PDE4D: variants seen among roughly 807,000 people sequenced by gnomAD.
The protein encoded by PDE4D is phosphodiesterase 4D, also known as 3',5'-cyclic-AMP phosphodiesterase 4D.
A neutral mutation model predicts 87.4 loss-of-function variants in PDE4D; 24 were observed. The observed-to-expected ratio is 0.27, with a 90% CI of 0.20 to 0.39. The LOEUF (loss-of-function observed/expected upper bound fraction) is 0.39. Ranked by LOEUF, PDE4D falls within the 10% of genes least tolerant of loss-of-function variation. The pLI is 1.00. For missense variants in PDE4D, 714 were observed against 1,041.0 expected (o/e 0.69, Z 4.32); for synonymous variants, 384 against 383.2 (o/e 1.00, Z -0.02).
intron 3 of PDE4D, among the ~76,000 whole-genome samples, chr5:59,946,459 T>A (rs1002916355): frequency 2.0e-5 from 3 of 152,240 alleles, no homozygotes; most frequent in Admixed American, 6.5e-5. Context: ...AAATAAGAGA[T>A]CAGCCAAAGC....
intron 5 of PDE4D, among the ~76,000 whole-genome samples, chr5:59,141,300 G>C (rs79805997): frequency 0.039 from 5,937 of 152,278 alleles, 351 homozygotes; most frequent in African/African-American, 0.12. Context: ...GTTGTACTAA[G>C]AGTTTTCAGG....
chr5:60,335,077 C>A (rs974855068), intron 1 of PDE4D: 2 of 152,186 alleles, frequency 1.3e-5, no homozygotes, highest in African/African-American at 4.8e-5. Context: ...ATAAAAGATG[C>A]CTACCCCAAA....
At chr5:59,497,299 C>CT (rs1272171050) in intron 1 of PDE4D, among the ~76,000 whole-genome samples, 1 of 152,072 alleles carries the variant, frequency 6.6e-6, no homozygotes, top group East Asian at 1.9e-4. Context: ...GTTTTACCAC[C>CT]TCCAGAGAAT....
intron 1 of PDE4D, chr5:59,587,323 CTTTCT>C (rs1401201620): frequency 4.0e-6 from 2 of 502,334 alleles, no homozygotes; most frequent in Admixed American, 6.4e-5. Context: ...CCCCCGATGT[CTTTCT>C]TTTCTTTTTT....
intron 1 of PDE4D, among the ~76,000 whole-genome samples, chr5:59,839,106 G>T (rs984785344): frequency 6.6e-6 from 1 of 151,822 alleles, no homozygotes; most frequent in African/African-American, 2.4e-5. Flanking sequence ...CACACTGAAC[G>T]TTCCACTGAA....
chr5:59,224,281 T>TACACAC, intron 1 of PDE4D, among the ~76,000 whole-genome samples: 1 of 134,062 alleles, frequency 7.5e-6, no homozygotes, highest in African/African-American at 3.0e-5. Flanking sequence ...GATCCTGTCA[T>TACACAC]ACACACACAC....
intron 1 of PDE4D, among the ~76,000 whole-genome samples, chr5:59,322,806 C>T (rs1177083446): frequency 7.2e-5 from 11 of 152,004 alleles, no homozygotes; most frequent in African/African-American, 2.7e-4. Flanking sequence ...AAGGACACGC[C>T]CTGGGAGATC....
At chr5:60,097,530 G>A (rs11745357) in intron 2 of PDE4D, among the ~76,000 whole-genome samples, 22,122 of 151,918 alleles carry the variant, frequency 0.15, 1,665 homozygotes, top group Middle Eastern at 0.22. Flanking sequence ...AATCACTTGG[G>A]TCAATTCAGC....
intron 5 of PDE4D, among the ~76,000 whole-genome samples, chr5:59,043,887 A>G (rs1288186378): frequency 6.6e-6 from 1 of 152,174 alleles, no homozygotes; most frequent in African/African-American, 2.4e-5. Flanking sequence ...ACATGAACTC[A>G]TCCTTTTTCA....
intron 5 of PDE4D, among the ~76,000 whole-genome samples, chr5:59,044,975 G>GACTA (rs1244585332): frequency 6.6e-6 from 1 of 151,884 alleles, no homozygotes; most frequent in Non-Finnish European, 1.5e-5. Flanking sequence ...ATTTAGCACT[G>GACTA]ACTATGTGCC....
At chr5:59,127,535 C>T (rs75263240) in intron 5 of PDE4D, among the ~76,000 whole-genome samples, 2 of 151,770 alleles carry the variant, frequency 1.3e-5, no homozygotes, top group Admixed American at 6.6e-5. Flanking sequence ...TTTTAAAATA[C>T]AGGAAACGCA....
At chr5:59,236,664 C>G (rs997003831) in intron 1 of PDE4D, among the ~76,000 whole-genome samples, 1 of 152,092 alleles carries the variant, frequency 6.6e-6, no homozygotes, top group Non-Finnish European at 1.5e-5. Flanking sequence ...GCTGTCGTCA[C>G]CAGGCTATAT....
chr5:60,338,784 A>C (rs532612097), intron 1 of PDE4D, among the ~76,000 whole-genome samples: 27 of 152,206 alleles, frequency 1.8e-4, no homozygotes, highest in African/African-American at 6.3e-4. Flanking sequence ...GTTTGAACCT[A>C]ATAAGGAAAG....
chr5:59,853,518 T>G (rs932002998), intron 1 of PDE4D, among the ~76,000 whole-genome samples: 17 of 152,074 alleles, frequency 1.1e-4, no homozygotes. Flanking sequence ...TGTTATAAAT[T>G]GAAATATTTC....
In PDE4D at chr5:58,972,631, T is replaced by TATC. The variant is rs911695292; in HGVS notation, c.*2030_*2032dup. 2 of 152,202 alleles carry TATC rather than the reference T, an allele frequency of 1.3e-5. No homozygotes were observed. Among genetic ancestry groups the TATC allele is most frequent in the Non-Finnish European group, 2.9e-5 (2 of 68,036 alleles). The allele number at this position is 152,202 out of a possible 1,614,324, so 9.4% of individuals were successfully genotyped here. A position where few individuals can be genotyped will look rare whatever the true frequency, so the allele number is the denominator to read the frequency against. On this transcript the variant is annotated 3_prime_UTR_variant, in exon 15 of 15. Transcript: ENST00000340635. ...CTTGTCAGATACCCACTTTGGCTTC[T>TATC]ATCTATCTCAATTCTTGAATATCAA... is the stretch of plus-strand genomic sequence containing the variant.
At chr5:59,971,585 A>G (rs1760775246) in intron 3 of PDE4D, among the ~76,000 whole-genome samples, 1 of 152,130 alleles carries the variant, frequency 6.6e-6, no homozygotes, top group Non-Finnish European at 1.5e-5. Context: ...TCAAAAGGGA[A>G]TAATTGCAAT....
At chr5:59,943,723 C>G (rs912624390) in intron 3 of PDE4D, among the ~76,000 whole-genome samples, 4 of 152,210 alleles carry the variant, frequency 2.6e-5, no homozygotes, top group African/African-American at 4.8e-5. Flanking sequence ...TGAACTCTCT[C>G]CTGAATCTGG....
intron 1 of PDE4D, among the ~76,000 whole-genome samples, chr5:60,195,063 A>G (rs1278305423): frequency 2.6e-5 from 4 of 151,338 alleles, no homozygotes. Flanking sequence ...TCTGTCTTGG[A>G]CTTTTTCCCC....
chr5:59,079,074 A>G (rs1766209703), intron 5 of PDE4D, among the ~76,000 whole-genome samples: 1 of 152,184 alleles, frequency 6.6e-6, no homozygotes, highest in Admixed American at 6.6e-5. Flanking sequence ...ATTTCAGCTC[A>G]TGATAAATTA....
Sources: allele counts gnomAD v4.1 joint callset (sites outside exome capture counted in the v4.1 genomes callset), GRCh38; gene constraint gnomAD v4.1.1; transcripts MANE v1.5; gene names NCBI Gene and HGNC (gene_info 2026-07-23, HGNC 2026-07-21).